ATP9A: variants seen among roughly 807,000 people sequenced by gnomAD.
The protein encoded by ATP9A is probable phospholipid-transporting ATPase IIA.
In ATP9A, 52 loss-of-function variants were observed where a neutral mutation model predicts 144.1. That is an observed-to-expected ratio of 0.36 (90% CI 0.29 to 0.45). The LOEUF is 0.45. Among genes scored for constraint, ATP9A ranks in the 20% least tolerant of loss-of-function variants. The probability of loss-of-function intolerance (pLI) is 1.00; values close to 1 mark genes in which losing one functional copy is unlikely to be tolerated. For synonymous variants in ATP9A, 582 were observed against 557.4 expected (o/e 1.04, Z -0.62); for missense variants, 947 against 1,392.7 (o/e 0.68, Z 5.09).
At chr20:51,711,190 C>G (rs560167321) in intron 4 of ATP9A, among the ~76,000 whole-genome samples, 2 of 152,270 alleles carry the variant, frequency 1.3e-5, no homozygotes, top group South Asian at 4.1e-4. Context: ...TAAAGCATTT[C>G]TTTACCAACT....
intron 1 of ATP9A, among the ~76,000 whole-genome samples, chr20:51,730,490 A>G (rs2077736216): frequency 6.6e-6 from 1 of 152,168 alleles, no homozygotes; most frequent in South Asian, 2.1e-4. Flanking sequence ...ATAAATAAAT[A>G]AAAAGATGCT....
chr20:51,697,392 T>G, intron 5 of ATP9A, 32 bp downstream of exon 5: 1 of 1,604,024 alleles, frequency 6.2e-7, no homozygotes, highest in Non-Finnish European at 8.5e-7. Context: ...CATGAAGTGG[T>G]ATCCACACAC....
In ATP9A at chr20:51,728,294, T is replaced by G. The variant is rs971325589; in HGVS notation, c.213+1540A>C. Among the ~76,000 whole-genome samples the G allele has an allele frequency of 9.2e-5, 14 of 151,564 alleles. No individual in the cohort carries two copies. The East Asian group carries it at 2.7e-3, about 29-fold the overall frequency. ...TTGAGGTACTGAGAGTTGGGGGGAG[T>G]TGAGGAAACCAGCAATGAATATAGT... On this transcript the variant is annotated intron_variant, in intron 2 of 27. Coordinates refer to ENST00000338821, the MANE Select transcript of ATP9A (RefSeq NM_006045.3).
chr20:51,724,721 C>T (rs1243259338), intron 3 of ATP9A, among the ~76,000 whole-genome samples: 1 of 152,198 alleles, frequency 6.6e-6, no homozygotes, highest in African/African-American at 2.4e-5. Flanking sequence ...ACAGCAGGTG[C>T]TCAACCACCA....
At chr20:51,713,190 G>T in intron 3 of ATP9A, 116 bp from the exon 4 acceptor site, 2 of 852,008 alleles carry the variant, frequency 2.3e-6, no homozygotes, top group African/African-American at 1.7e-5. Context: ...AGGGCAGGGG[G>T]GCAGGACCTG....
intron 3 of ATP9A, among the ~76,000 whole-genome samples, chr20:51,720,026 G>A (rs1464917550): frequency 6.6e-6 from 1 of 152,210 alleles, no homozygotes; most frequent in African/African-American, 2.4e-5. Flanking sequence ...TCCAGCCTGG[G>A]TGACAGTGAG....
chr20:51,702,873 G>A (rs2077600097), intron 4 of ATP9A, among the ~76,000 whole-genome samples: 1 of 152,128 alleles, frequency 6.6e-6, no homozygotes. Context: ...CACATTGATA[G>A]CAATTATTAC....
At chr20:51,760,382 G>A (rs1248602486) in intron 1 of ATP9A, among the ~76,000 whole-genome samples, 1 of 152,052 alleles carries the variant, frequency 6.6e-6, no homozygotes, top group Non-Finnish European at 1.5e-5. Flanking sequence ...TCCCCTAAGA[G>A]CAATGGTTCC....
In ATP9A at chr20:51,601,357, A is replaced by G. The variant is rs758149810; in HGVS notation, c.3008-10T>C. ...GCGATGAAGTACACATCTGCAAGGA[A>G]AGGGGAAGACGGCAGTGAGCAGGCA... On this transcript the variant is annotated splice_polypyrimidine_tract_variant and intron_variant, in intron 27 of 27. Transcript: ENST00000338821. 1 of 1,606,026 alleles carries G rather than the reference A, an allele frequency of 6.2e-7. No individual in the cohort carries two copies. The highest frequency in any genetic ancestry group is 8.5e-7 in the Non-Finnish European group (1 of 1,175,902).
At chr20:51,616,716 G>A (rs548399840) in intron 22 of ATP9A, among the ~76,000 whole-genome samples, 24 of 152,204 alleles carry the variant, frequency 1.6e-4, no homozygotes, top group Non-Finnish European at 2.8e-4. Flanking sequence ...AGAGGCAAGC[G>A]CACAATTGGC....
chr20:51,605,588 A>C (rs2077159947), intron 26 of ATP9A, among the ~76,000 whole-genome samples: 1 of 152,232 alleles, frequency 6.6e-6, no homozygotes, highest in Non-Finnish European at 1.5e-5. Flanking sequence ...ACTGCACTCC[A>C]GCCTGGGTGA....
chr20:51,632,877 CT>C (rs1373362328), intron 15 of ATP9A, among the ~76,000 whole-genome samples: 5 of 152,290 alleles, frequency 3.3e-5, no homozygotes, highest in Admixed American at 3.3e-4. Context: ...AATTCCAGCA[CT>C]TTGGGGGGCC....
Position 51,608,375 on chromosome 20 carries a change from A to G in ATP9A, c.2745+143T>C, listed in dbSNP as rs368122053. ...TCCCACACCTTCCCCCCAAAAGTAA[A>G]AAAGCTACCAGTTCAAGTGTGTTCA... is the stretch of plus-strand genomic sequence containing the variant. On this transcript the variant is annotated intron_variant, in intron 25 of 27. Transcript: ENST00000338821. 70 of 632,842 alleles carry G rather than the reference A, an allele frequency of 1.1e-4. No individual in the cohort carries two copies. In the African/African-American group the frequency reaches 1.2e-3, roughly 11 times the overall value. 39.2% of individuals were successfully genotyped at this position (632,842 alleles called of 1,614,324 possible). A position where few individuals can be genotyped will look rare whatever the true frequency, so the allele number is the denominator to read the frequency against.
intron 13 of ATP9A, among the ~76,000 whole-genome samples, chr20:51,659,936 A>G (rs772338521): frequency 1.3e-5 from 2 of 152,234 alleles, no homozygotes; most frequent in Admixed American, 1.3e-4. Context: ...CATGGTAACA[A>G]TAATTAGAGT....
intron 2 of ATP9A, among the ~76,000 whole-genome samples, chr20:51,729,060 A>C (rs2077728155): frequency 6.6e-6 from 1 of 152,210 alleles, no homozygotes; most frequent in South Asian, 2.1e-4. Flanking sequence ...AAAAATACTA[A>C]TGAAAATTCT....
In ATP9A at chr20:51,611,260, G is replaced by A. The variant is rs1428077057; in HGVS notation, c.2572-1095C>T. 1.3e-5 allele frequency among the ~76,000 whole-genome samples: 2 copies of A among 152,192 alleles called. No individual in the cohort carries two copies. The highest frequency in any genetic ancestry group is 1.9e-4 in the East Asian group (1 of 5,194). On this transcript the variant is annotated intron_variant, in intron 23 of 27. Transcript: ENST00000338821. This position sits in a 1 kb window ranked among gnomAD's most constrained non-coding sequence, Gnocchi z 4.2. ...TTCTCGGCACAGAGCTCAGAGCGCA[G>A]GTGATCCTGAGCGCCATGGCCACAG...
rs1555826529 is a variant in ATP9A, at chr20:51,600,845, C to CACACAA, written c.*365_*366insTTGTGT. On this transcript the variant is annotated 3_prime_UTR_variant, in exon 28 of 28. Coordinates refer to ENST00000338821, the MANE Select transcript of ATP9A (RefSeq NM_006045.3). ...ACACACACACACACACACACACACA[C>CACACAA]AAGCCTTCTACAACCTTCAGCTACA... is the stretch of plus-strand genomic sequence containing the variant. 2 of 181,294 alleles carry CACACAA rather than the reference C, an allele frequency of 1.1e-5. No individual in the cohort carries two copies. Among genetic ancestry groups the CACACAA allele is most frequent in the Non-Finnish European group, 2.3e-5 (2 of 87,348 alleles). The allele number at this position is 181,294 out of a possible 1,614,324, so 11.2% of individuals were successfully genotyped here.
In ATP9A at chr20:51,718,989, G is replaced by A. The variant is rs536903518; in HGVS notation, c.328-5915C>T. Among the ~76,000 whole-genome samples, 13 of 151,638 alleles carry A rather than the reference G, an allele frequency of 8.6e-5. No homozygotes were observed. In the South Asian group the frequency reaches 1.5e-3, roughly 17 times the overall value. The stretch of plus-strand genomic sequence containing the variant: ...CTAAAAACACAAAAATTAGCTGGGC[G>A]TGGTGGTGCGCGCCTGTAGTCCCAG... On this transcript the variant is annotated intron_variant, in intron 3 of 27. Transcript: ENST00000338821.
chr20:51,614,579 G>C (rs2077195947), intron 22 of ATP9A, among the ~76,000 whole-genome samples: 1 of 152,126 alleles, frequency 6.6e-6, no homozygotes, highest in African/African-American at 2.4e-5. Context: ...GGGATTCCAG[G>C]CATGAGCAGC....
Sources: allele counts gnomAD v4.1 joint callset (sites outside exome capture counted in the v4.1 genomes callset), GRCh38; gene constraint gnomAD v4.1.1; non-coding constraint Gnocchi (gnomAD v3.1); transcripts MANE v1.5; gene names NCBI Gene and HGNC (gene_info 2026-07-23, HGNC 2026-07-21).